KCNJ3: variants seen among roughly 807,000 people sequenced by gnomAD.
The protein encoded by KCNJ3 is potassium inwardly rectifying channel subfamily J member 3.
A neutral mutation model predicts 39.2 loss-of-function variants in KCNJ3; 4 were observed. That is an observed-to-expected ratio of 0.10 (90% CI 0.05 to 0.23). KCNJ3 has a LOEUF of 0.23. Among genes scored for constraint, KCNJ3 ranks in the 10% least tolerant of loss-of-function variants. KCNJ3 has a pLI of 1.00. For missense variants in KCNJ3, 276 were observed against 634.9 expected (o/e 0.43, Z 6.08); for synonymous variants, 230 against 237.4 (o/e 0.97, Z 0.29).
chr2:154,748,457 G>GT (rs200659506), intron 2 of KCNJ3, among the ~76,000 whole-genome samples: 5,810 of 152,140 alleles, frequency 0.038, 184 homozygotes, highest in Non-Finnish European at 0.053. Context: ...TAAAAACTAG[G>GT]TTTTCCTTTC....
chr2:154,842,993 C>T (rs1454667516), intron 2 of KCNJ3, among the ~76,000 whole-genome samples: 1 of 152,052 alleles, frequency 6.6e-6, no homozygotes, highest in Non-Finnish European at 1.5e-5. Context: ...ATGTTCACTG[C>T]TTATTTTGCC....
chr2:154,707,512 A>G (rs761404328), intron 1 of KCNJ3, among the ~76,000 whole-genome samples: 27 of 152,120 alleles, frequency 1.8e-4, no homozygotes, highest in Non-Finnish European at 3.2e-4. Flanking sequence ...GCTTACTCTA[A>G]AGCCTTTTAG....
At chr2:154,735,068 C>CGTGTGTGTGTGTGTGTGTGTGTGTGTGT (rs1171630763) in intron 2 of KCNJ3, among the ~76,000 whole-genome samples, 2 of 103,758 alleles carry the variant, frequency 1.9e-5, no homozygotes, top group East Asian at 6.4e-4. Flanking sequence ...CCCTTGTAGG[C>CGTGTGTGTGTGTGTGTGTGTGTGTGTGT]CTGTGTGTGT....
intron 2 of KCNJ3, among the ~76,000 whole-genome samples, chr2:154,722,130 A>ATTTT (rs35965372): frequency 3.4e-5 from 5 of 148,812 alleles, no homozygotes; most frequent in South Asian, 4.3e-4. Flanking sequence ...AACTACAAAG[A>ATTTT]TTTTTTTTTT....
At chr2:154,761,900 T>C (rs922632653) in intron 2 of KCNJ3, among the ~76,000 whole-genome samples, 1 of 152,206 alleles carries the variant, frequency 6.6e-6, no homozygotes, top group African/African-American at 2.4e-5. Context: ...AAAAGAGACT[T>C]TGCAGATGTG....
intron 2 of KCNJ3, among the ~76,000 whole-genome samples, chr2:154,773,375 G>A (rs1250759083): frequency 6.6e-6 from 1 of 152,104 alleles, no homozygotes; most frequent in African/African-American, 2.4e-5. Context: ...AGCATGGGCT[G>A]TTTTGCTTAA....
intron 2 of KCNJ3, among the ~76,000 whole-genome samples, chr2:154,735,144 G>T (rs1368930184): frequency 2.0e-5 from 3 of 151,086 alleles, no homozygotes; most frequent in Non-Finnish European, 4.4e-5. Context: ...GGGAGTGCAG[G>T]GGCGCGATCT....
chr2:154,799,992 A>G (rs1439807841), intron 2 of KCNJ3, among the ~76,000 whole-genome samples: 1 of 152,140 alleles, frequency 6.6e-6, no homozygotes, highest in Non-Finnish European at 1.5e-5. Context: ...TTCAAATAGG[A>G]TGGTCAGGGC....
chr2:154,809,730 G>C (rs1558879819), intron 2 of KCNJ3, among the ~76,000 whole-genome samples: 1 of 152,114 alleles, frequency 6.6e-6, no homozygotes. Context: ...ACTTTGCAAA[G>C]TGGTATCTTA....
At position 154,746,650 on chromosome 2, in the gene KCNJ3, A is replaced by ATG. The variant is rs57739687; in HGVS notation, c.919+36853_919+36854dup. On this transcript the variant is annotated intron_variant, in intron 2 of 2. Coordinates refer to ENST00000295101, the MANE Select transcript of KCNJ3 (RefSeq NM_002239.4). ...TATATATGTATATATGTGTATATATATGTGTGTGTGTGTGTGTGTGTGTTT... is the reference window on the plus strand; with the variant it reads ...TATATATGTATATATGTGTATATATATGTGTGTGTGTGTGTGTGTGTGTGTTT... 4.9e-3 allele frequency among the ~76,000 whole-genome samples: 729 copies of ATG among 147,338 alleles called. 3 individuals are homozygous for ATG. The highest frequency in any genetic ancestry group is 0.012 in the South Asian group (58 of 4,656).
chr2:154,744,556 C>A (rs1001107650), intron 2 of KCNJ3, among the ~76,000 whole-genome samples: 1 of 151,664 alleles, frequency 6.6e-6, no homozygotes, highest in African/African-American at 2.4e-5. Context: ...TTTGGTAGTA[C>A]ATTTTTTTAA....
intron 1 of KCNJ3, among the ~76,000 whole-genome samples, chr2:154,705,792 A>G (rs1684998434): frequency 6.6e-6 from 1 of 152,080 alleles, no homozygotes; most frequent in South Asian, 2.1e-4. Flanking sequence ...AATTTATTTA[A>G]ACAAATTTTA....
chr2:154,793,231 T>TC (rs1341252480), intron 2 of KCNJ3, among the ~76,000 whole-genome samples: 1 of 152,068 alleles, frequency 6.6e-6, no homozygotes, highest in African/African-American at 2.4e-5. Flanking sequence ...CTGTATTTTT[T>TC]CCCTCTCTTT....
intron 2 of KCNJ3, among the ~76,000 whole-genome samples, chr2:154,794,078 G>A (rs1372802696): frequency 6.6e-6 from 1 of 151,758 alleles, no homozygotes; most frequent in Non-Finnish European, 1.5e-5. Context: ...TGCTGAATTG[G>A]GAGATGACAT....
chr2:154,828,090 A>AGTT (rs140725739), intron 2 of KCNJ3, among the ~76,000 whole-genome samples: 7,295 of 152,260 alleles, frequency 0.048, 215 homozygotes, highest in African/African-American at 0.066. Context: ...TCCGCATTGT[A>AGTT]GTTATGCTAA....
chr2:154,801,012 G>A (rs956357925), intron 2 of KCNJ3, among the ~76,000 whole-genome samples: 1 of 152,078 alleles, frequency 6.6e-6, no homozygotes, highest in African/African-American at 2.4e-5. Context: ...AGTTGTTTTA[G>A]CATCTATCTT....
chr2:154,835,421 TATATGAATATATAATATTCATGA>T (rs60016928), intron 2 of KCNJ3, among the ~76,000 whole-genome samples: 31,356 of 137,028 alleles, frequency 0.23, 4,325 homozygotes, highest in East Asian at 0.46. Flanking sequence ...TTGCAGATTA[TATATGAATATATAATATTCATGA>T]ATATGAATAT....
chr2:154,704,136 G>A (rs1397839540), intron 1 of KCNJ3, among the ~76,000 whole-genome samples: 1 of 151,926 alleles, frequency 6.6e-6, no homozygotes, highest in Non-Finnish European at 1.5e-5. Context: ...TTTTAAAATA[G>A]TGGTAATATA....
chr2:154,830,993 G>A (rs748583110), intron 2 of KCNJ3, among the ~76,000 whole-genome samples: 3 of 152,128 alleles, frequency 2.0e-5, no homozygotes, highest in Non-Finnish European at 4.4e-5. Context: ...CCAATTAGTT[G>A]TCAAGTCCTG....
Sources: allele counts gnomAD v4.1 joint callset (sites outside exome capture counted in the v4.1 genomes callset), GRCh38; gene constraint gnomAD v4.1.1; transcripts MANE v1.5; gene names NCBI Gene and HGNC (gene_info 2026-07-23, HGNC 2026-07-21).